Variants in CEP350 observed in about 807,000 individuals in gnomAD.
CEP350 encodes centrosome-associated protein 350.
Under a neutral mutation model 331.8 loss-of-function variants are expected in CEP350, and 126 were observed. That is an observed-to-expected ratio of 0.38 (90% CI 0.33 to 0.44). The LOEUF (loss-of-function observed/expected upper bound fraction) is 0.44. Ranked by LOEUF, CEP350 falls within the 20% of genes least tolerant of loss-of-function variation. The pLI is 1.00. For missense variants in CEP350, 3,406 were observed against 3,634.6 expected, an observed-to-expected ratio of 0.94 and a Z score of 1.62; for synonymous variants, 1,200 against 1,259.5, an observed-to-expected ratio of 0.95 and a Z score of 1.00.
chr1:179,976,586 G>A (rs532800588), intron 1 of CEP350, among the ~76,000 whole-genome samples: 1 of 151,748 alleles, frequency 6.6e-6, no homozygotes, highest in East Asian at 1.9e-4. Context: ...CCTGGGAGGT[G>A]GAGCTTGCAG....
chr1:180,022,608 C>T, intron 12 of CEP350, 90 bp from the exon 13 acceptor site: 1 of 1,062,606 alleles, frequency 9.4e-7, no homozygotes, highest in South Asian at 1.6e-5. Flanking sequence ...TGTCCCTAAG[C>T]CCATATTGCT....
intron 1 of CEP350, among the ~76,000 whole-genome samples, chr1:179,974,992 A>T (rs551731190): frequency 1.3e-5 from 2 of 152,184 alleles, no homozygotes; most frequent in South Asian, 2.1e-4. Context: ...CCGTGTCTCT[A>T]AAAAAGAAAA....
chr1:180,109,054 C>G (rs530582249), intron 37 of CEP350, among the ~76,000 whole-genome samples: 1 of 151,938 alleles, frequency 6.6e-6, no homozygotes, highest in African/African-American at 2.4e-5. Context: ...GATGTAGTCT[C>G]TTTTTTGCTA....
intron 17 of CEP350, among the ~76,000 whole-genome samples, chr1:180,037,577 C>CA (rs1310376284): frequency 6.6e-6 from 1 of 151,716 alleles, no homozygotes; most frequent in Non-Finnish European, 1.5e-5. Context: ...ACAACAGCAA[C>CA]AAAAAAACCC....
At chr1:179,991,944 A>G (rs1167332991) in intron 4 of CEP350, 118 bp from the exon 5 acceptor site, 12 of 948,124 alleles carry the variant, frequency 1.3e-5, no homozygotes, top group South Asian at 1.2e-4. Flanking sequence ...GAGATAACTT[A>G]TATAATATCC....
intron 26 of CEP350, 122 bp downstream of exon 26, chr1:180,062,488 A>G: frequency 8.2e-7 from 1 of 1,226,252 alleles, no homozygotes; most frequent in Non-Finnish European, 1.1e-6. Flanking sequence ...ACTAGGATAA[A>G]GTTCTATGGA....
chr1:180,090,374 G>A (rs1007223878), intron 32 of CEP350, among the ~76,000 whole-genome samples: 1 of 150,924 alleles, frequency 6.6e-6, no homozygotes, highest in African/African-American at 2.4e-5. Flanking sequence ...GTGAAACCCC[G>A]CCTCTACTAA....
At chr1:179,994,444 TTTTC>T (rs1284271591) in intron 5 of CEP350, among the ~76,000 whole-genome samples, 2 of 150,326 alleles carry the variant, frequency 1.3e-5, no homozygotes, top group African/African-American at 4.9e-5. Context: ...TTCTTTTCTT[TTTTC>T]TTTCTTTCTT....
intron 27 of CEP350, among the ~76,000 whole-genome samples, chr1:180,065,964 C>T (rs192921306): frequency 3.3e-5 from 5 of 152,214 alleles, no homozygotes; most frequent in African/African-American, 1.2e-4. Flanking sequence ...TCTGGCATCT[C>T]TCAGGCTTAT....
intron 4 of CEP350, among the ~76,000 whole-genome samples, chr1:179,991,703 GTGTGTATA>G (rs1321111536): frequency 3.1e-5 from 4 of 129,446 alleles, no homozygotes; most frequent in Admixed American, 8.3e-5. Flanking sequence ...GTGTGTGTGT[GTGTGTATA>G]TATATATATA....
intron 37 of CEP350, among the ~76,000 whole-genome samples, chr1:180,103,811 TTAGTTAGTCA>T (rs1660969148): frequency 6.6e-6 from 1 of 151,878 alleles, no homozygotes; most frequent in African/African-American, 2.4e-5. Context: ...AACTCCTCCC[TTAGTTAGTCA>T]TAGCGCTTGC....
At chr1:180,099,036 C>T in intron 37 of CEP350, 51 bp downstream of exon 37, 1 of 1,557,832 alleles carries the variant, frequency 6.4e-7, no homozygotes, top group Non-Finnish European at 8.7e-7. Context: ...CTTTTAAACT[C>T]AGAATGCAGT....
intron 1 of CEP350, among the ~76,000 whole-genome samples, chr1:179,985,514 A>T (rs965986120): frequency 1.3e-5 from 2 of 152,194 alleles, no homozygotes; most frequent in Admixed American, 1.3e-4. Flanking sequence ...ATACTGTATT[A>T]GTCCATTCTT....
intron 9 of CEP350, 129 bp from the exon 10 acceptor site, chr1:180,013,718 G>C: frequency 1.3e-6 from 1 of 756,722 alleles, no homozygotes; most frequent in South Asian, 2.7e-5. Flanking sequence ...TTCTTCAGAA[G>C]ACTGTAAGAT....
In CEP350 at chr1:179,992,073, C is replaced by G. The variant is rs1434314374; in HGVS notation, c.247C>G (p.Leu83Val). The change falls in exon 5 of 38, where the codon CTG becomes GTG. Residue 83 changes from leucine to valine, a missense_variant. Leu to Val is a conservative substitution (Grantham distance 32, BLOSUM62 1). Coordinates refer to ENST00000367607, the MANE Select transcript of CEP350 (RefSeq NM_014810.5). ...TCCTTTTCCTTCAGATGGTAGATAC[C>G]TGGATGATTCTTGGGTTAATGCTCC... ...RKISRKDGRYLDDSWVNAPIS... is the reference protein window; with the variant it reads ...RKISRKDGRYVDDSWVNAPIS... 1.3e-6 allele frequency: 2 copies of G among 1,535,306 alleles called. No individual in the cohort carries two copies. The highest frequency in any genetic ancestry group is 2.2e-5 in the Admixed American group (1 of 45,400).
intron 31 of CEP350, among the ~76,000 whole-genome samples, chr1:180,086,404 T>A (rs1659861174): frequency 6.6e-6 from 1 of 152,100 alleles, no homozygotes; most frequent in Non-Finnish European, 1.5e-5. Flanking sequence ...TGTACCTTAA[T>A]AGCTATGTCA....
intron 13 of CEP350, 134 bp from the exon 14 acceptor site, chr1:180,024,285 A>AAT (rs1655520574): frequency 1.9e-5 from 14 of 722,810 alleles, no homozygotes; most frequent in South Asian, 1.8e-4. Context: ...GGTTAAAAAA[A>AAT]AATAATAAAG....
chr1:180,053,950 C>A lies in CEP350; in HGVS notation c.5174+16C>A. 6.6e-7 allele frequency: 1 copy of A among 1,514,408 alleles called. No individual in the cohort carries two copies. Among genetic ancestry groups the A allele is most frequent in the Non-Finnish European group, 8.9e-7 (1 of 1,126,998 alleles). 93.8% of individuals were successfully genotyped at this position (1,514,408 alleles called of 1,614,324 possible). A position where few individuals can be genotyped will look rare whatever the true frequency, so the allele number is the denominator to read the frequency against. On this transcript the variant is annotated intron_variant, in intron 24 of 37. Coordinates refer to ENST00000367607, the MANE Select transcript of CEP350 (RefSeq NM_014810.5). ...ATCAAAAAAAGTAAGTTCTTTTGAG[C>A]AGTTTTCACTAATTTCTTCATTCAT...
chr1:180,072,423 G>A (rs1326858800), intron 27 of CEP350, among the ~76,000 whole-genome samples: 1 of 152,100 alleles, frequency 6.6e-6, no homozygotes, highest in African/African-American at 2.4e-5. Context: ...ACACTTAAGA[G>A]GGTGGGTGAT....
Sources: allele counts gnomAD v4.1 joint callset (sites outside exome capture counted in the v4.1 genomes callset), GRCh38; gene constraint gnomAD v4.1.1; transcripts MANE v1.5; gene names NCBI Gene and HGNC (gene_info 2026-07-23, HGNC 2026-07-21).